The following AKR1C8 variants were observed in gnomAD, a reference collection of about 807,000 sequenced individuals.
AKR1C8 encodes the protein aldo-keto reductase family 1 member C8.
the AKR1C8 span, among the ~76,000 whole-genome samples, chr10:5,125,865 T>G: frequency 6.6e-6 from 1 of 152,132 alleles, no homozygotes; most frequent in East Asian, 1.9e-4. Flanking sequence ...TAGCCCAGAG[T>G]TGGGCAACCC....
chr10:5,164,611 G>C, the AKR1C8 span, among the ~76,000 whole-genome samples: 1 of 152,078 alleles, frequency 6.6e-6, no homozygotes, highest in East Asian at 1.9e-4. Flanking sequence ...TCAGTGAATA[G>C]GGCAGCTGCC....
chr10:5,123,408 C>T, the AKR1C8 span: 1 of 361,718 alleles, frequency 2.8e-6, no homozygotes, highest in Non-Finnish European at 5.3e-6. Flanking sequence ...ATAACTGGGT[C>T]CTCCAAAAGA....
the AKR1C8 span, chr10:5,160,766 C>G: frequency 4.3e-6 from 2 of 463,128 alleles, no homozygotes; most frequent in African/African-American, 4.0e-5. Context: ...TCCTGCAATT[C>G]CAACCTCACT....
the AKR1C8 span, among the ~76,000 whole-genome samples, chr10:5,141,146 G>A: frequency 6.6e-6 from 1 of 152,042 alleles, no homozygotes; most frequent in Non-Finnish European, 1.5e-5. Flanking sequence ...AATATTTACA[G>A]CATCTTCACC....
chr10:5,132,659 G>A, the AKR1C8 span: 1 of 1,591,712 alleles, frequency 6.3e-7, no homozygotes, highest in Non-Finnish European at 8.6e-7. Context: ...TCTTGCTTCA[G>A]ATGGCCAGTC....
chr10:5,146,027 G>C, the AKR1C8 span, among the ~76,000 whole-genome samples: 1 of 151,948 alleles, frequency 6.6e-6, no homozygotes, highest in African/African-American at 2.4e-5. Context: ...CATAAAAAAT[G>C]ATAAGTTCAT....
the AKR1C8 span, chr10:5,158,724 G>A: frequency 2.1e-6 from 1 of 478,840 alleles, no homozygotes; most frequent in African/African-American, 2.0e-5. Context: ...AATTTTTCAA[G>A]ACCAAAAGGT....
At chr10:5,178,286 A>G in the AKR1C8 span, among the ~76,000 whole-genome samples, 2 of 152,046 alleles carry the variant, frequency 1.3e-5, no homozygotes, top group African/African-American at 4.8e-5. Flanking sequence ...GTAGTTGAGC[A>G]GTTTTGAGTG....
At chr10:5,184,074 C>G in the AKR1C8 span, among the ~76,000 whole-genome samples, 1 of 152,152 alleles carries the variant, frequency 6.6e-6, no homozygotes, top group Non-Finnish European at 1.5e-5. Flanking sequence ...CATTCAGCAT[C>G]TGACTGCTCC....
chr10:5,166,945 A>AAAAAC, the AKR1C8 span, among the ~76,000 whole-genome samples: 1 of 151,530 alleles, frequency 6.6e-6, no homozygotes, highest in African/African-American at 2.4e-5. Flanking sequence ...TTTACAAGAA[A>AAAAAC]AAAAAAACCC....
At chr10:5,153,946 A>T in the AKR1C8 span, among the ~76,000 whole-genome samples, 1 of 152,220 alleles carries the variant, frequency 6.6e-6, no homozygotes, top group Non-Finnish European at 1.5e-5. Flanking sequence ...TTATTTTTCT[A>T]AAATTTATGG....
the AKR1C8 span, among the ~76,000 whole-genome samples, chr10:5,138,875 G>C: frequency 6.6e-6 from 1 of 152,222 alleles, no homozygotes; most frequent in South Asian, 2.1e-4. Flanking sequence ...AATTGTCCCT[G>C]TTTGCAGATG....
the AKR1C8 span, among the ~76,000 whole-genome samples, chr10:5,133,189 C>G: frequency 6.6e-6 from 1 of 152,098 alleles, no homozygotes; most frequent in Non-Finnish European, 1.5e-5. Flanking sequence ...CACTTCATCT[C>G]GGACTGAAAC....
At chr10:5,159,274 C>T in the AKR1C8 span, among the ~76,000 whole-genome samples, 1 of 152,124 alleles carries the variant, frequency 6.6e-6, no homozygotes, top group Non-Finnish European at 1.5e-5. Context: ...CACTAAGCTT[C>T]AATTTACAGG....
the AKR1C8 span, among the ~76,000 whole-genome samples, chr10:5,150,641 G>T: frequency 6.6e-6 from 1 of 151,922 alleles, no homozygotes. Flanking sequence ...TTGATTTTTG[G>T]AACGTTTGTC....
At chr10:5,149,802 C>T in the AKR1C8 span, among the ~76,000 whole-genome samples, 2 of 152,180 alleles carry the variant, frequency 1.3e-5, no homozygotes, top group East Asian at 1.9e-4. Flanking sequence ...ATGTGAATAA[C>T]TATGTTGCCA....
chr10:5,132,659 G>C, the AKR1C8 span: 24 of 1,591,712 alleles, frequency 1.5e-5, no homozygotes, highest in Non-Finnish European at 2.0e-5. Context: ...TCTTGCTTCA[G>C]ATGGCCAGTC....
the AKR1C8 span, among the ~76,000 whole-genome samples, chr10:5,139,742 C>A: frequency 1.4e-3 from 207 of 152,052 alleles, 1 homozygote; most frequent in African/African-American, 4.8e-3. Flanking sequence ...TAGGCATGGG[C>A]AAGGACATCA....
the AKR1C8 span, among the ~76,000 whole-genome samples, chr10:5,137,785 G>A: frequency 3.3e-5 from 5 of 152,054 alleles, no homozygotes; most frequent in South Asian, 2.1e-4. Context: ...CAACTGGGCC[G>A]CCAGGGGTGA....
Sources: gnomAD v4.1 joint callset for allele counts (sites outside exome capture counted in the v4.1 genomes callset) on GRCh38, gnomAD v4.1.1 for gene constraint, MANE v1.5 for transcripts, NCBI Gene and HGNC (gene_info 2026-07-23, HGNC 2026-07-21) for gene names.